USH2A: variants seen among roughly 807,000 people sequenced by gnomAD.
USH2A encodes the protein usherin.
USH2A carries 443 observed loss-of-function variants against 538.9 expected under a neutral mutation model. That is an observed-to-expected ratio of 0.82 (90% CI 0.76 to 0.89). USH2A has a LOEUF of 0.89. Ranked by LOEUF, USH2A falls within the 40% of genes least tolerant of loss-of-function variation. USH2A has a pLI of 0.00. For missense variants in USH2A, 6,633 were observed against 6,324.8 expected, an observed-to-expected ratio of 1.05 and a Z score of -1.65; for synonymous variants, 2,413 against 2,273.5, an observed-to-expected ratio of 1.06 and a Z score of -1.75.
chr1:216,212,309 T>C (rs1230883335), intron 15 of USH2A, among the ~76,000 whole-genome samples: 1 of 152,196 alleles, frequency 6.6e-6, no homozygotes, highest in African/African-American at 2.4e-5. Flanking sequence ...AGTTGAAATT[T>C]TCATAAGCCA....
At chr1:216,086,668 G>A (rs745948367) in intron 24 of USH2A, 51 bp downstream of exon 24, 1 of 1,326,480 alleles carries the variant, frequency 7.5e-7, no homozygotes, top group Non-Finnish European at 1.1e-6. Flanking sequence ...ATGTAAACAG[G>A]TTCTATTCTA....
At chr1:216,400,188 G>A (rs946742197) in intron 3 of USH2A, among the ~76,000 whole-genome samples, 2 of 148,204 alleles carry the variant, frequency 1.3e-5, no homozygotes, top group Admixed American at 1.4e-4. Flanking sequence ...GAAAAAAAAT[G>A]AGAGAAACCC....
chr1:216,212,683 TTGTGTGTG>T (rs10654206), intron 15 of USH2A, among the ~76,000 whole-genome samples: 2 of 147,462 alleles, frequency 1.4e-5, no homozygotes, highest in African/African-American at 5.0e-5. Flanking sequence ...GTGTGTGTGT[TTGTGTGTG>T]TGTGTGTGTG....
chr1:215,699,753 CAG>C (rs1658945526), intron 61 of USH2A, among the ~76,000 whole-genome samples: 1 of 152,170 alleles, frequency 6.6e-6, no homozygotes, highest in Admixed American at 6.5e-5. Flanking sequence ...CATCTGCAAA[CAG>C]AGATAATTTG....
intron 13 of USH2A, among the ~76,000 whole-genome samples, chr1:216,243,727 C>A (rs2035978965): frequency 6.6e-6 from 1 of 152,056 alleles, no homozygotes; most frequent in Non-Finnish European, 1.5e-5. Context: ...AAATGGAGCT[C>A]CAAATATGTT....
chr1:215,775,855 G>A (rs1358775971), intron 55 of USH2A, among the ~76,000 whole-genome samples: 1 of 152,166 alleles, frequency 6.6e-6, no homozygotes, highest in East Asian at 1.9e-4. Context: ...AGAAACGAAA[G>A]TAAATTATTC....
chr1:216,333,546 G>T (rs1172904682), intron 4 of USH2A, among the ~76,000 whole-genome samples: 1 of 151,984 alleles, frequency 6.6e-6, no homozygotes, highest in African/African-American at 2.4e-5. Flanking sequence ...AATATTTAGA[G>T]AAATAATTAC....
intron 41 of USH2A, among the ~76,000 whole-genome samples, chr1:215,884,372 G>A (rs1354624316): frequency 1.3e-5 from 2 of 152,184 alleles, no homozygotes; most frequent in Non-Finnish European, 2.9e-5. Flanking sequence ...TTCCATCCAG[G>A]AAGATTGCAC....
intron 43 of USH2A, among the ~76,000 whole-genome samples, chr1:215,875,445 C>T (rs1002110669): frequency 3.9e-5 from 6 of 152,100 alleles, no homozygotes; most frequent in African/African-American, 7.2e-5. Flanking sequence ...ACTTCCCTTC[C>T]GGAAGCAGCT....
intron 9 of USH2A, among the ~76,000 whole-genome samples, chr1:216,298,282 C>A (rs1238879012): frequency 6.6e-6 from 1 of 152,136 alleles, no homozygotes; most frequent in Non-Finnish European, 1.5e-5. Context: ...TGGTATATTG[C>A]CTACATGAGT....
rs1217785145 is a variant in USH2A, at chr1:215,627,428, C to CTTT, written c.15519+1385_15519+1386insAAA. 4.6e-3 allele frequency among the ~76,000 whole-genome samples: 440 copies of CTTT among 95,192 alleles called. 11 individuals carry two copies. The highest frequency in any genetic ancestry group is 0.013 in the East Asian group (31 of 2,388). The allele number at this position is 95,192 out of a possible 152,430, so 62.4% of individuals were successfully genotyped here. A position where few individuals can be genotyped will look rare whatever the true frequency, so the allele number is the denominator to read the frequency against. ...TCCTTCCTTCCTTCCTTCCTTCCTT[C>CTTT]CTTCCTTCCTTCCTTCCTTCCTTCC... On this transcript the variant is annotated intron_variant, in intron 71 of 71. Coordinates refer to ENST00000307340, the MANE Select transcript of USH2A (RefSeq NM_206933.4).
chr1:215,647,434 T>TAA (rs1656888142), intron 67 of USH2A, 88 bp downstream of exon 67: 3 of 1,534,802 alleles, frequency 2.0e-6, no homozygotes. Context: ...AATCTGTTTT[T>TAA]AAAAGTGGCT....
At chr1:216,414,489 CCA>C (rs1477010277) in intron 3 of USH2A, among the ~76,000 whole-genome samples, 2 of 151,930 alleles carry the variant, frequency 1.3e-5, no homozygotes, top group African/African-American at 4.8e-5. Context: ...ATCTTTTCCC[CCA>C]GATATTTAAT....
intron 70 of USH2A, 79 bp downstream of exon 70, chr1:215,634,380 A>G: frequency 6.2e-7 from 1 of 1,604,530 alleles, no homozygotes. Flanking sequence ...TACCATGGCT[A>G]TGACACATTT....
chr1:216,418,452 G>A lies in USH2A; in HGVS notation c.651+62C>T. ...TTTTGTGAGTAGATGCCATTTAAAA[G>A]AGAGAAAGGAAGACAAATCCTTGTG... is the stretch of plus-strand genomic sequence containing the variant. On this transcript the variant is annotated intron_variant, in intron 3 of 71. Transcript: ENST00000307340. 3 of 1,587,824 alleles carry A rather than the reference G, an allele frequency of 1.9e-6. No individual in the cohort carries two copies. In the Admixed American group the frequency reaches 5.0e-5, roughly 27 times the overall value.
At chr1:215,849,761 T>G (rs973208288) in intron 44 of USH2A, among the ~76,000 whole-genome samples, 1 of 152,296 alleles carries the variant, frequency 6.6e-6, no homozygotes, top group South Asian at 2.1e-4. Flanking sequence ...AGCTTCAAAC[T>G]TCTTATGTGG....
chr1:215,904,019 A>G (rs532814425), intron 38 of USH2A, among the ~76,000 whole-genome samples: 3 of 152,280 alleles, frequency 2.0e-5, no homozygotes, highest in African/African-American at 7.2e-5. Flanking sequence ...TTGATTTATA[A>G]TAAGTGCATA....
intron 37 of USH2A, among the ~76,000 whole-genome samples, chr1:215,937,553 C>T (rs1016507462): frequency 1.3e-5 from 2 of 152,028 alleles, no homozygotes; most frequent in South Asian, 4.1e-4. Flanking sequence ...CTAACCATTG[C>T]CTAAGAACAA....
intron 9 of USH2A, among the ~76,000 whole-genome samples, chr1:216,320,842 G>A (rs1409934463): frequency 6.6e-6 from 1 of 152,096 alleles, no homozygotes; most frequent in South Asian, 2.1e-4. Flanking sequence ...TTAACATGAT[G>A]CAAATATTTT....
Sources: allele counts gnomAD v4.1 joint callset (sites outside exome capture counted in the v4.1 genomes callset), GRCh38; gene constraint gnomAD v4.1.1; transcripts MANE v1.5; gene names NCBI Gene and HGNC (gene_info 2026-07-23, HGNC 2026-07-21).